SLC25A26: variants seen among roughly 807,000 people sequenced by gnomAD.
The protein encoded by SLC25A26 is solute carrier family 25 member 26.
SLC25A26 carries 36 observed loss-of-function variants against 37.8 expected under a neutral mutation model. The ratio of observed to expected loss-of-function variants is 0.95; its 90% confidence interval spans 0.73 to 1.26. The LOEUF is 1.26. Among genes scored for constraint, SLC25A26 ranks in the 50% most tolerant of loss-of-function variants. The pLI is 0.00. For synonymous variants in SLC25A26, 129 were observed against 122.5 expected, an observed-to-expected ratio of 1.05 and a Z score of -0.35; for missense variants, 390 against 331.1, an observed-to-expected ratio of 1.18 and a Z score of -1.38.
chr3:66,178,513 T>G (rs748595579), intron 1 of SLC25A26, among the ~76,000 whole-genome samples: 3 of 152,148 alleles, frequency 2.0e-5, no homozygotes, highest in Non-Finnish European at 2.9e-5. Flanking sequence ...GTAATGTACA[T>G]TTATATTGGC....
chr3:66,269,065 A>C (rs2073863654), intron 5 of SLC25A26, among the ~76,000 whole-genome samples: 1 of 152,202 alleles, frequency 6.6e-6, no homozygotes, highest in African/African-American at 2.4e-5. Flanking sequence ...TCTGTCCCTT[A>C]CCAGCCATCT....
At chr3:66,215,434 C>G (rs2071346045) in intron 1 of SLC25A26, among the ~76,000 whole-genome samples, 1 of 152,152 alleles carries the variant, frequency 6.6e-6, no homozygotes, top group African/African-American at 2.4e-5. Context: ...TTCCTGGACT[C>G]AAGTGATCCT....
chr3:66,155,307 C>T (rs534806229), intron 1 of SLC25A26, among the ~76,000 whole-genome samples: 7 of 152,140 alleles, frequency 4.6e-5, no homozygotes, highest in African/African-American at 7.2e-5. Context: ...CCCGGGAGTT[C>T]GAAACTAGCC....
At chr3:66,261,268 C>T (rs1480637663) in intron 3 of SLC25A26, among the ~76,000 whole-genome samples, 1 of 152,214 alleles carries the variant, frequency 6.6e-6, no homozygotes, top group Non-Finnish European at 1.5e-5. Flanking sequence ...TTACACATCT[C>T]CCTCCCTGTA....
At chr3:66,134,549 C>T (rs949132048) in intron 1 of SLC25A26, among the ~76,000 whole-genome samples, 1 of 152,190 alleles carries the variant, frequency 6.6e-6, no homozygotes, top group Non-Finnish European at 1.5e-5. Flanking sequence ...ATTAAGAAAT[C>T]AACTTCCAAA....
At chr3:66,310,406 A>G (rs1032928914) in intron 5 of SLC25A26, among the ~76,000 whole-genome samples, 1 of 152,098 alleles carries the variant, frequency 6.6e-6, no homozygotes, top group African/African-American at 2.4e-5. Context: ...TGCATGTGAT[A>G]TGGGTCTCCT....
chr3:66,199,376 C>T (rs1205364983), intron 1 of SLC25A26, among the ~76,000 whole-genome samples: 2 of 152,002 alleles, frequency 1.3e-5, no homozygotes, highest in African/African-American at 2.4e-5. Flanking sequence ...AACAATGACT[C>T]TTATCCTAAA....
intron 5 of SLC25A26, among the ~76,000 whole-genome samples, chr3:66,345,966 G>A (rs1407348095): frequency 1.3e-5 from 2 of 152,208 alleles, no homozygotes; most frequent in African/African-American, 2.4e-5. Flanking sequence ...GCCAAGTCAG[G>A]TGGATTGCTT....
intron 1 of SLC25A26, among the ~76,000 whole-genome samples, chr3:66,159,068 A>G (rs530670930): frequency 1.3e-5 from 2 of 152,256 alleles, no homozygotes; most frequent in Admixed American, 6.5e-5. Context: ...TCAAATAGCT[A>G]CTAGGCAGTG....
intron 5 of SLC25A26, among the ~76,000 whole-genome samples, chr3:66,277,942 G>A (rs2074212636): frequency 6.6e-6 from 1 of 152,024 alleles, no homozygotes; most frequent in African/African-American, 2.4e-5. Flanking sequence ...GATAAAGAAA[G>A]ATGAAAGAAC....
intron 5 of SLC25A26, among the ~76,000 whole-genome samples, chr3:66,303,983 C>G (rs2075146243): frequency 1.3e-5 from 2 of 152,186 alleles, no homozygotes; most frequent in Non-Finnish European, 2.9e-5. Flanking sequence ...CCATGTGGCC[C>G]CCTCCATAGG....
chr3:66,301,973 T>A (rs2075088238), intron 5 of SLC25A26, among the ~76,000 whole-genome samples: 1 of 152,222 alleles, frequency 6.6e-6, no homozygotes, highest in Admixed American at 6.5e-5. Context: ...TGTTCCTGCA[T>A]ATGAAGTGCT....
intron 1 of SLC25A26, among the ~76,000 whole-genome samples, chr3:66,182,339 G>C (rs935640148): frequency 5.9e-5 from 9 of 152,168 alleles, no homozygotes; most frequent in Non-Finnish European, 1.5e-5. Flanking sequence ...TATTCTCATA[G>C]TACAAACTAT....
At chr3:66,362,289 A>C (rs1183875218) in intron 6 of SLC25A26, among the ~76,000 whole-genome samples, 2 of 152,214 alleles carry the variant, frequency 1.3e-5, no homozygotes, top group Admixed American at 6.5e-5. Flanking sequence ...AAAAATCCCA[A>C]ATGTCCATCA....
chr3:66,168,611 C>T (rs2070456737), intron 1 of SLC25A26, among the ~76,000 whole-genome samples: 1 of 152,006 alleles, frequency 6.6e-6, no homozygotes, highest in Admixed American at 6.6e-5. Flanking sequence ...TGTCTTTCTT[C>T]CAAAAATAAG....
At chr3:66,181,803 T>TC (rs1553652066) in intron 1 of SLC25A26, among the ~76,000 whole-genome samples, 2 of 149,158 alleles carry the variant, frequency 1.3e-5, no homozygotes, top group Non-Finnish European at 3.0e-5. Context: ...TTTTTTTTTT[T>TC]CACCAAACAT....
At chr3:66,362,367 G>A (rs950333916) in intron 6 of SLC25A26, among the ~76,000 whole-genome samples, 5 of 152,208 alleles carry the variant, frequency 3.3e-5, no homozygotes, top group African/African-American at 4.8e-5. Flanking sequence ...GAAGGCAACT[G>A]TTGATATCTG....
chr3:66,178,553 C>T (rs1576615333), intron 1 of SLC25A26, among the ~76,000 whole-genome samples: 1 of 152,188 alleles, frequency 6.6e-6, no homozygotes, highest in East Asian at 1.9e-4. Context: ...ACTTCCCTCA[C>T]TCTTACTTTC....
intron 3 of SLC25A26, among the ~76,000 whole-genome samples, chr3:66,256,602 C>CA (rs746677191): frequency 9.2e-5 from 14 of 151,884 alleles, no homozygotes; most frequent in East Asian, 1.9e-4. Flanking sequence ...AGAGGCAAAA[C>CA]AAAAAAAATT....
Sources: allele counts gnomAD v4.1 joint callset (sites outside exome capture counted in the v4.1 genomes callset), GRCh38; gene constraint gnomAD v4.1.1; transcripts MANE v1.5; gene names NCBI Gene and HGNC (gene_info 2026-07-23, HGNC 2026-07-21).